The following PTPN14 variants were observed in gnomAD, a reference collection of about 807,000 sequenced individuals.
PTPN14 encodes the protein protein tyrosine phosphatase non-receptor type 14, also known as tyrosine-protein phosphatase non-receptor type 14.
In PTPN14, 53 loss-of-function variants were observed where a neutral mutation model predicts 126.8. The ratio of observed to expected loss-of-function variants is 0.42; its 90% CI spans 0.34 to 0.53. The LOEUF is 0.53. PTPN14 is among the 20% of genes least tolerant of loss of function. The probability of loss-of-function intolerance (pLI) is 0.08; values close to 1 mark genes in which losing one functional copy is unlikely to be tolerated. For missense variants in PTPN14, 1,257 were observed against 1,552.9 expected, an observed-to-expected ratio of 0.81 and a Z score of 3.20; for synonymous variants, 630 against 599.3, an observed-to-expected ratio of 1.05 and a Z score of -0.75.
Position 214,383,894 on chromosome 1 carries a change from T to A in PTPN14, c.1961A>T (p.Glu654Val). ...GTGGAGCGACTTGAGCGTCATGGCC[T>A]CCATGCCCCGCACCATGCTGTTCAT... ...EVMNSMVRGM[E>V]AMTLKSLHLP... The change falls in exon 13 of 19, where the codon GAG (glutamate) becomes GTG (valine). Residue 654 changes from glutamate (E) to valine (V), a missense_variant. By Grantham distance (121) the Glu-to-Val change is moderately radical. Coordinates refer to ENST00000366956, the MANE Select transcript of PTPN14 (RefSeq NM_005401.5). The surrounding 1 kb of genome is among the most constrained non-coding windows in gnomAD (Gnocchi z 4.4). 6.2e-7 allele frequency: 1 copy of A among 1,613,334 alleles called. No homozygotes were observed. The highest frequency in any genetic ancestry group is 8.5e-7 in the Non-Finnish European group (1 of 1,179,988).
chr1:214,455,235 C>A (rs975393172), intron 2 of PTPN14, among the ~76,000 whole-genome samples: 17 of 152,238 alleles, frequency 1.1e-4, no homozygotes, highest in Non-Finnish European at 2.4e-4. Context: ...TGAGACCCCA[C>A]CAGGCTGGTT....
At chr1:214,481,511 C>CAAAAAAAAAAAAAAAAAA (rs371949252) in intron 1 of PTPN14, among the ~76,000 whole-genome samples, 1 of 67,456 alleles carries the variant, frequency 1.5e-5, no homozygotes, top group Non-Finnish European at 2.5e-5. Context: ...AACTCCCGCT[C>CAAAAAAAAAAAAAAAAAA]AAAAAAAAAA....
At chr1:214,433,952 A>ACACAC (rs1491336637) in intron 3 of PTPN14, among the ~76,000 whole-genome samples, 37 of 9,178 alleles carry the variant, frequency 4.0e-3, no homozygotes, top group Non-Finnish European at 6.9e-3. Flanking sequence ...ACACACACAC[A>ACACAC]AAAAAAAAAA....
intron 3 of PTPN14, among the ~76,000 whole-genome samples, chr1:214,444,794 A>G (rs1337941343): frequency 6.6e-6 from 1 of 152,184 alleles, no homozygotes; most frequent in Non-Finnish European, 1.5e-5. Context: ...GAAGATATAC[A>G]GCTTCACTTA....
At chr1:214,459,472 CT>C (rs1553268612) in intron 2 of PTPN14, among the ~76,000 whole-genome samples, 54 of 108,644 alleles carry the variant, frequency 5.0e-4, no homozygotes, top group East Asian at 9.9e-4. Flanking sequence ...TCTTTTCTTT[CT>C]TTTTTTTTTT....
rs1656103817 is a variant in PTPN14 at position 214,551,281 on chromosome 1, G to T, written c.-253C>A. 1.3e-5 allele frequency: 2 copies of T among 152,452 alleles called. No homozygotes were observed. Among genetic ancestry groups the T allele is most frequent in the Admixed American group, 6.5e-5 (1 of 15,294 alleles). 9.4% of individuals were successfully genotyped at this position (152,452 alleles called of 1,614,324 possible). ...CCCCACGGAATTGATTCCAGTGACT[G>T]GCGGAGGAGGGGCGAAGGGAAGGAG... On this transcript the variant is annotated 5_prime_UTR_variant, in exon 1 of 19. Coordinates refer to ENST00000366956, the MANE Select transcript of PTPN14 (RefSeq NM_005401.5).
chr1:214,532,625 C>A lies in PTPN14; in HGVS notation c.-155+18558G>T, dbSNP rs571554287. On this transcript the variant is annotated intron_variant, in intron 1 of 18. Coordinates refer to ENST00000366956, the MANE Select transcript of PTPN14 (RefSeq NM_005401.5). ...ATCTTAGCAAATACTGTGGACAATG[C>A]CTGCATCGTTCTGCAGACTGACAAT... 13 of 905,874 alleles carry A rather than the reference C, an allele frequency of 1.4e-5. No individual in the cohort carries two copies. The East Asian group carries it at 2.9e-4, about 20-fold the overall frequency. The allele number at this position is 905,874 out of a possible 1,614,324, so 56.1% of individuals were successfully genotyped here. A position where few individuals can be genotyped will look rare whatever the true frequency, so the allele number is the denominator to read the frequency against.
At chr1:214,524,891 C>A (rs1386556052) in intron 1 of PTPN14, among the ~76,000 whole-genome samples, 1 of 152,110 alleles carries the variant, frequency 6.6e-6, no homozygotes, top group Non-Finnish European at 1.5e-5. Flanking sequence ...ATTTGAAACA[C>A]CCCAAGTGTC....
intron 7 of PTPN14, among the ~76,000 whole-genome samples, chr1:214,401,154 T>G (rs1659006578): frequency 6.6e-6 from 1 of 152,174 alleles, no homozygotes; most frequent in South Asian, 2.1e-4. Context: ...GCAAAGGATG[T>G]GATGTGCTAT....
At chr1:214,376,121 A>G in intron 15 of PTPN14, 98 bp downstream of exon 15, 3 of 1,175,060 alleles carry the variant, frequency 2.6e-6, no homozygotes, top group East Asian at 2.5e-5. Context: ...GGGACAAGCC[A>G]AAAGGTACAA....
intron 7 of PTPN14, among the ~76,000 whole-genome samples, chr1:214,401,478 A>T (rs1659016771): frequency 1.3e-5 from 2 of 152,220 alleles, no homozygotes; most frequent in South Asian, 4.1e-4. Context: ...GTCTTATTGA[A>T]CTATTCTGCT....
chr1:214,450,409 C>T (rs933412799), intron 3 of PTPN14, among the ~76,000 whole-genome samples: 3 of 151,022 alleles, frequency 2.0e-5, no homozygotes, highest in East Asian at 2.0e-4. Flanking sequence ...GAGGTGGAGG[C>T]TGCAGTAAGC....
chr1:214,351,376 G>C lies in PTPN14; in HGVS notation c.*6546C>G, dbSNP rs1657706509. On this transcript the variant is annotated 3_prime_UTR_variant, in exon 19 of 19. Coordinates refer to ENST00000366956, the MANE Select transcript of PTPN14 (RefSeq NM_005401.5). ...TGCTCATGGAATGAAGAGGGTGACA[G>C]CACACAACAGTCCCACCCGTTCCCC... The C allele has an allele frequency of 6.6e-6, 1 of 150,808 alleles. No individual in the cohort carries two copies. Among genetic ancestry groups the C allele is most frequent in the South Asian group, 2.1e-4 (1 of 4,762 alleles). 9.3% of individuals were successfully genotyped at this position (150,808 alleles called of 1,614,324 possible). A position where few individuals can be genotyped will look rare whatever the true frequency, so the allele number is the denominator to read the frequency against.
intron 5 of PTPN14, among the ~76,000 whole-genome samples, chr1:214,409,252 T>C (rs1659241121): frequency 6.6e-6 from 1 of 152,268 alleles, no homozygotes; most frequent in Admixed American, 6.5e-5. Context: ...CACTCAGCTT[T>C]GGTAACCACC....
rs552129789 is a variant in PTPN14 at position 214,449,806 on chromosome 1, T to C, written c.344+1999A>G. 4.6e-5 allele frequency among the ~76,000 whole-genome samples: 7 copies of C among 151,958 alleles called. No homozygotes were observed. The South Asian group carries it at 1.0e-3, about 23-fold the overall frequency. ...AACTCACGGCCTCTGTTTGCAATTA[T>C]GCCATCTACTTACAATACCTTTTGA... On this transcript the variant is annotated intron_variant, in intron 3 of 18. Transcript: ENST00000366956.
chr1:214,498,372 G>A (rs1194444060), intron 1 of PTPN14, among the ~76,000 whole-genome samples: 1 of 152,126 alleles, frequency 6.6e-6, no homozygotes, highest in Non-Finnish European at 1.5e-5. Context: ...AATTGTGGAA[G>A]GTTTCATGGA....
In PTPN14 at chr1:214,377,848, G is replaced by C; in HGVS notation, c.2688+111C>G. On this transcript the variant is annotated intron_variant, in intron 14 of 18. Coordinates refer to ENST00000366956, the MANE Select transcript of PTPN14 (RefSeq NM_005401.5). ...TACCTGATCTTCCTAATCTCAGATT[G>C]AAGAAAGAATGCATCACACAAATCT... The C allele has an allele frequency of 1.5e-5, 20 of 1,299,662 alleles. 1 individual carries two copies. In the South Asian group the frequency reaches 2.4e-4, roughly 16 times the overall value. The allele number at this position is 1,299,662 out of a possible 1,614,324, so 80.5% of individuals were successfully genotyped here. A position where few individuals can be genotyped will look rare whatever the true frequency, so the allele number is the denominator to read the frequency against.
chr1:214,509,614 T>C (rs558834164), intron 1 of PTPN14, among the ~76,000 whole-genome samples: 2 of 152,328 alleles, frequency 1.3e-5, no homozygotes, highest in Non-Finnish European at 2.9e-5. Context: ...TTCAAGAACT[T>C]TTCCTTTCAG....
chr1:214,411,129 A>C (rs76154946), intron 5 of PTPN14, among the ~76,000 whole-genome samples: 2,592 of 152,140 alleles, frequency 0.017, 80 homozygotes, highest in African/African-American at 0.059. Context: ...TCAATGTTTT[A>C]TAGTTTCCAG....
Sources: allele counts gnomAD v4.1 joint callset (sites outside exome capture counted in the v4.1 genomes callset), GRCh38; gene constraint gnomAD v4.1.1; non-coding constraint Gnocchi (gnomAD v3.1); transcripts MANE v1.5; gene names NCBI Gene and HGNC (gene_info 2026-07-23, HGNC 2026-07-21).